Variants in RHEX observed in about 807,000 individuals in gnomAD.
RHEX encodes regulator of hemoglobinization and erythroid cell expansion.
In RHEX, 18 loss-of-function variants were observed where a neutral mutation model predicts 20.1. That is an observed-to-expected ratio of 0.90 (90% CI 0.62 to 1.33). The LOEUF (loss-of-function observed/expected upper bound fraction) is 1.33, where lower values mean the gene tolerates loss of function less well. Among genes scored for constraint, RHEX ranks in the 40% most tolerant of loss-of-function variants. The probability of loss-of-function intolerance (pLI) is 0.00; values close to 1 mark genes in which losing one functional copy is unlikely to be tolerated. For synonymous variants in RHEX, 87 were observed against 77.1 expected, an observed-to-expected ratio of 1.13 and a Z score of -0.67; for missense variants, 192 against 214.3, an observed-to-expected ratio of 0.90 and a Z score of 0.65.
Position 206,102,037 on chromosome 1 carries a change from A to C in RHEX, c.*85A>C. 9.0e-7 allele frequency: 1 copy of C among 1,113,298 alleles called. No homozygotes were observed. The highest frequency in any genetic ancestry group is 1.8e-5 in the Admixed American group (1 of 55,276). 69.0% of individuals were successfully genotyped at this position (1,113,298 alleles called of 1,614,324 possible). ...GAAATGCCATTTTTCCCCCTTAAACAAGGCATGGGGCTCACAAGTCTATGG... is the reference window on the plus strand; with the variant it reads ...GAAATGCCATTTTTCCCCCTTAAACCAGGCATGGGGCTCACAAGTCTATGG... On this transcript the variant is annotated 3_prime_UTR_variant, in exon 6 of 6. Transcript: ENST00000331555.
intron 1 of RHEX, among the ~76,000 whole-genome samples, chr1:206,064,334 A>C: frequency 1.1e-5 from 1 of 91,488 alleles, no homozygotes; most frequent in East Asian, 4.2e-4. Context: ...GGCCGCCCCT[A>C]CTGGGAAGTG....
intron 1 of RHEX, among the ~76,000 whole-genome samples, chr1:206,054,093 G>T (rs1406368338): frequency 7.0e-6 from 1 of 141,984 alleles, no homozygotes; most frequent in Non-Finnish European, 1.5e-5. Flanking sequence ...AAGAAAGTTT[G>T]CTTTAAAAAA....
intron 1 of RHEX, among the ~76,000 whole-genome samples, chr1:206,077,000 G>A (rs1265769755): frequency 2.6e-5 from 4 of 152,150 alleles, no homozygotes; most frequent in Non-Finnish European, 4.4e-5. Flanking sequence ...GTATGTGCTC[G>A]ACACATGTTT....
intron 2 of RHEX, 29 bp from the exon 3 acceptor site, chr1:206,098,052 T>C (rs1553287926): frequency 6.4e-7 from 1 of 1,555,086 alleles, no homozygotes; most frequent in East Asian, 2.2e-5. Context: ...TTGCAATCTC[T>C]GACTTTGCCC....
intron 1 of RHEX, among the ~76,000 whole-genome samples, chr1:206,075,364 A>G (rs1475969292): frequency 2.0e-5 from 3 of 152,250 alleles, no homozygotes; most frequent in Admixed American, 1.3e-4. Context: ...GATCATTGGC[A>G]GTGGACATAT....
At chr1:206,079,918 A>C (rs782214713) in intron 1 of RHEX, among the ~76,000 whole-genome samples, 8 of 152,240 alleles carry the variant, frequency 5.3e-5, no homozygotes, top group Non-Finnish European at 1.0e-4. Flanking sequence ...AGAGACACCC[A>C]CATTTGCAAA....
At chr1:206,079,161 T>C (rs1473774249) in intron 1 of RHEX, among the ~76,000 whole-genome samples, 1 of 152,214 alleles carries the variant, frequency 6.6e-6, no homozygotes, top group Non-Finnish European at 1.5e-5. Flanking sequence ...ATATAGTGGC[T>C]GGTGCTGAAA....
rs781849786 is a variant in RHEX at position 206,101,826 on chromosome 1, C to T, written c.393C>T (p.Asp131=). The change falls in exon 6 of 6, where the codon GAC becomes GAT. Residue 131 remains aspartate, a synonymous_variant. Transcript: ENST00000331555. ...PGELKNDSPL[D]YENIKEITDY... is the part of the protein sequence containing the mutation. ...AACTAAAAAATGACTCCCCGCTGGA[C>T]TATGAGAACATAAAGGAAATCACAG... 6.2e-7 allele frequency: 1 copy of T among 1,613,896 alleles called. No individual in the cohort carries two copies. The highest frequency in any genetic ancestry group is 2.2e-5 in the East Asian group (1 of 44,892).
chr1:206,099,901 C>T, intron 4 of RHEX, 103 bp downstream of exon 4: 1 of 1,047,856 alleles, frequency 9.5e-7, no homozygotes, highest in Non-Finnish European at 1.4e-6. Context: ...AACCTCTAGC[C>T]TGAGGATTCC....
Position 206,064,377 on chromosome 1 carries a change from C to T in RHEX, c.-97+11112C>T, listed in dbSNP as rs1383331766. 3.9e-5 allele frequency among the ~76,000 whole-genome samples: 5 copies of T among 127,104 alleles called. 1 individual carries two copies. The highest frequency in any genetic ancestry group is 5.6e-4 in the South Asian group (2 of 3,564). 83.4% of individuals were successfully genotyped at this position (127,104 alleles called of 152,430 possible). A position where few individuals can be genotyped will look rare whatever the true frequency, so the allele number is the denominator to read the frequency against. The stretch of plus-strand genomic sequence containing the variant: ...CCTCTGCCTAGCCAGCTGCCCCGTC[C>T]GGGAGGGAGGTGGGGGGGTCAGCCC... On this transcript the variant is annotated intron_variant, in intron 1 of 5. Transcript: ENST00000331555.
At chr1:206,082,545 C>A (rs1662760010) in intron 1 of RHEX, among the ~76,000 whole-genome samples, 1 of 151,996 alleles carries the variant, frequency 6.6e-6, no homozygotes, top group African/African-American at 2.4e-5. Flanking sequence ...TAATAGCTAC[C>A]ATCTGTTGTT....
chr1:206,091,171 A>C (rs1662942389), intron 1 of RHEX, among the ~76,000 whole-genome samples: 1 of 152,182 alleles, frequency 6.6e-6, no homozygotes, highest in Non-Finnish European at 1.5e-5. Flanking sequence ...AAAAATAATA[A>C]TAGTATCTAC....
chr1:206,063,654 G>C (rs71418223), intron 1 of RHEX, among the ~76,000 whole-genome samples: 1 of 152,232 alleles, frequency 6.6e-6, no homozygotes, highest in Non-Finnish European at 1.5e-5. Context: ...TCGGCCTCCC[G>C]AGGTGCCGGG....
intron 1 of RHEX, among the ~76,000 whole-genome samples, chr1:206,089,181 C>CT (rs1410582712): frequency 4.3e-4 from 64 of 147,220 alleles, no homozygotes; most frequent in East Asian, 1.6e-3. Flanking sequence ...ATTAGTTGTA[C>CT]TTTTTTTTTT....
At chr1:206,076,339 A>G (rs1317501025) in intron 1 of RHEX, among the ~76,000 whole-genome samples, 1 of 152,012 alleles carries the variant, frequency 6.6e-6, no homozygotes, top group Non-Finnish European at 1.5e-5. Context: ...TAATTTTGCT[A>G]TGTTTTTGTA....
At position 206,102,181 on chromosome 1, in the gene RHEX, C is replaced by T. The variant is rs1663206278; in HGVS notation, c.*229C>T. ...TCGTTCCTCAAAAACAAAAACAAGG[C>T]TTGGCTGGGAAAACAGGCCAATGCC... On this transcript the variant is annotated 3_prime_UTR_variant, in exon 6 of 6. Coordinates refer to ENST00000331555, the MANE Select transcript of RHEX (RefSeq NM_001007544.4). 2 of 553,600 alleles carry T rather than the reference C, an allele frequency of 3.6e-6. No homozygotes were observed. The highest frequency in any genetic ancestry group is 2.2e-5 in the South Asian group (1 of 45,418). 34.3% of individuals were successfully genotyped at this position (553,600 alleles called of 1,614,324 possible).
chr1:206,087,347 T>G (rs1023219073), intron 1 of RHEX, among the ~76,000 whole-genome samples: 61 of 152,364 alleles, frequency 4.0e-4, no homozygotes, highest in Middle Eastern at 3.4e-3. Context: ...TCCATCCATC[T>G]GTTGCCTGTC....
At chr1:206,085,012 T>A (rs1662811413) in intron 1 of RHEX, among the ~76,000 whole-genome samples, 1 of 152,196 alleles carries the variant, frequency 6.6e-6, no homozygotes, top group Non-Finnish European at 1.5e-5. Context: ...CTAACTCTTC[T>A]GTGCTAAAGT....
rs1553286225 is a variant in RHEX, at chr1:206,084,351, T to C, written c.-96-13382T>C. Among the ~76,000 whole-genome samples the C allele has an allele frequency of 2.6e-5, 4 of 152,218 alleles. No individual in the cohort carries two copies. In the East Asian group the frequency reaches 5.8e-4, roughly 22 times the overall value. On this transcript the variant is annotated intron_variant, in intron 1 of 5. Coordinates refer to ENST00000331555, the MANE Select transcript of RHEX (RefSeq NM_001007544.4). Reference sequence around the variant, plus strand: ...CGACCCTTATATAGAGCTTAGTATCTGCCGAGGACTGTTCAAAGAATTTTA... The same window carrying C: ...CGACCCTTATATAGAGCTTAGTATCCGCCGAGGACTGTTCAAAGAATTTTA...
Sources: allele counts gnomAD v4.1 joint callset (sites outside exome capture counted in the v4.1 genomes callset), GRCh38; gene constraint gnomAD v4.1.1; transcripts MANE v1.5; gene names NCBI Gene and HGNC (gene_info 2026-07-23, HGNC 2026-07-21).